FMO2: variants seen among roughly 807,000 people sequenced by gnomAD.
FMO2 encodes flavin containing dimethylaniline monoxygenase 2.
A neutral mutation model predicts 41.6 loss-of-function variants in FMO2; 33 were observed. The ratio of observed to expected loss-of-function variants is 0.79; its 90% confidence interval spans 0.60 to 1.06. FMO2 has a LOEUF of 1.06. Ranked by LOEUF, FMO2 falls within the 50% of genes least tolerant of loss-of-function variation. The pLI, the probability that FMO2 is intolerant of heterozygous loss-of-function variation, is 0.00. For synonymous variants in FMO2, 214 were observed against 219.6 expected (o/e 0.97, Z 0.23); for missense variants, 619 against 632.9 (o/e 0.98, Z 0.23).
At chr1:171,205,734 A>G (rs1383410710) in intron 7 of FMO2, 100 bp downstream of exon 7, 4 of 743,732 alleles carry the variant, frequency 5.4e-6, no homozygotes, top group Non-Finnish European at 8.4e-6. Flanking sequence ...TGCCAAGAAA[A>G]AGTTTGACAA....
Position 171,212,165 on chromosome 1 carries a change from G to A in FMO2, c.*3020G>A, listed in dbSNP as rs1305312580. Among the ~76,000 whole-genome samples, 1 of 152,134 alleles carries A rather than the reference G, an allele frequency of 6.6e-6. No individual in the cohort carries two copies. The highest frequency in any genetic ancestry group is 2.4e-5 in the African/African-American group (1 of 41,426). On this transcript the variant is annotated 3_prime_UTR_variant, in exon 9 of 9. Transcript: ENST00000209929. The stretch of plus-strand genomic sequence containing the variant: ...ACTTGCAATAGTATTGGGAGATGGG[G>A]CCTAATGAGGTGATTAGGTGAAGTC...
chr1:171,193,664 A>T, intron 3 of FMO2, 141 bp downstream of exon 3: 1 of 617,678 alleles, frequency 1.6e-6, no homozygotes, highest in East Asian at 2.8e-5. Context: ...CCTCATATAA[A>T]ACCCAAAAAG....
chr1:171,187,603 G>A (rs1024102480), intron 2 of FMO2, among the ~76,000 whole-genome samples: 2 of 117,172 alleles, frequency 1.7e-5, no homozygotes, highest in Admixed American at 1.1e-4. Flanking sequence ...TAAAGATACT[G>A]ATTCCTTTGG....
intron 2 of FMO2, among the ~76,000 whole-genome samples, chr1:171,189,654 C>CTTTTTTT (rs199536748): frequency 0.088 from 10,569 of 119,768 alleles, 830 homozygotes; most frequent in East Asian, 0.24. Flanking sequence ...CGTCTTTTTT[C>CTTTTTTT]TTTTCTTTTT....
rs569620327 is a variant in FMO2 at position 171,195,951 on chromosome 1, G to A, written c.322-698G>A. On this transcript the variant is annotated intron_variant, in intron 3 of 8. Coordinates refer to ENST00000209929, the MANE Select transcript of FMO2 (RefSeq NM_001460.5). ...TCAGGCACTCTGCAAAGTGTTTTGC[G>A]TGAAATATCTTCTCTAATACAAAGT... is the stretch of plus-strand genomic sequence containing the variant. 7.2e-5 allele frequency among the ~76,000 whole-genome samples: 11 copies of A among 152,322 alleles called. No homozygotes were observed. In the South Asian group the frequency reaches 1.7e-3, roughly 23 times the overall value.
At chr1:171,205,152 TAAGTTA>T in intron 6 of FMO2, 121 bp from the exon 7 acceptor site, 1 of 576,262 alleles carries the variant, frequency 1.7e-6, no homozygotes, top group Non-Finnish European at 3.0e-6. Flanking sequence ...GACAACCAGT[TAAGTTA>T]GAGTTTTACA....
Position 171,212,347 on chromosome 1 carries a change from C to T in FMO2, c.*3202C>T, listed in dbSNP as rs1350904862. Among the ~76,000 whole-genome samples the T allele has an allele frequency of 6.6e-6, 1 of 152,094 alleles. No individual in the cohort carries two copies. The highest frequency in any genetic ancestry group is 1.5e-5 in the Non-Finnish European group (1 of 68,012). On this transcript the variant is annotated 3_prime_UTR_variant, in exon 9 of 9. Transcript: ENST00000209929. Reference sequence around the variant, plus strand: ...AGAAGGCCCTCATCAGATGCTGGCCCCTTGGTCTTGAATTTCCTAGCCTCT... The same window carrying T: ...AGAAGGCCCTCATCAGATGCTGGCCTCTTGGTCTTGAATTTCCTAGCCTCT...
At position 171,199,428 on chromosome 1, in the gene FMO2, G is replaced by T; in HGVS notation, c.567G>T (p.Val189=). 1 of 1,612,816 alleles carries T rather than the reference G, an allele frequency of 6.2e-7. No individual in the cohort carries two copies. Among genetic ancestry groups the T allele is most frequent in the South Asian group, 1.1e-5 (1 of 90,778 alleles). The stretch of plus-strand genomic sequence containing the variant: ...GATTTGAGGGAAAACGCATCCTGGT[G>T]ATTGGAATGGGAAACTCAGGCTCAG... ...PDGFEGKRIL[V]IGMGNSGSDI... is the part of the protein sequence containing the mutation. Residue 189 remains valine (V), a synonymous_variant, in exon 5 of 9, where the codon GTG becomes GTT. Transcript: ENST00000209929.
At chr1:171,207,101 T>A (rs1346195962) in intron 7 of FMO2, among the ~76,000 whole-genome samples, 1 of 152,132 alleles carries the variant, frequency 6.6e-6, no homozygotes, top group Non-Finnish European at 1.5e-5. Flanking sequence ...GAACATGAGA[T>A]GTCTGATGAC....
chr1:171,197,418 C>T (rs187639328), intron 4 of FMO2, among the ~76,000 whole-genome samples: 22 of 152,254 alleles, frequency 1.4e-4, no homozygotes, highest in Non-Finnish European at 2.1e-4. Context: ...GATTCAAACA[C>T]TATGGAGTAG....
At position 171,199,266 on chromosome 1, in the gene FMO2, G is replaced by C. The variant is rs548063710; in HGVS notation, c.485-80G>C. 2.1e-5 allele frequency: 28 copies of C among 1,323,762 alleles called. No homozygotes were observed. The African/African-American group carries it at 2.7e-4, about 13-fold the overall frequency. 82.0% of individuals were successfully genotyped at this position (1,323,762 alleles called of 1,614,324 possible). A position where few individuals can be genotyped will look rare whatever the true frequency, so the allele number is the denominator to read the frequency against. ...AAATTATTAACTCCAGAAAGGAAAA[G>C]CTGGCAATGCAGTTTTATTGAAATT... On this transcript the variant is annotated intron_variant, in intron 4 of 8. Transcript: ENST00000209929.
intron 7 of FMO2, among the ~76,000 whole-genome samples, chr1:171,206,723 A>G (rs766312253): frequency 2.6e-5 from 4 of 152,184 alleles, no homozygotes; most frequent in Non-Finnish European, 4.4e-5. Flanking sequence ...TACACTTCAG[A>G]TAGATTGTTT....
At chr1:171,185,479 T>A in intron 1 of FMO2, 120 bp downstream of exon 1, 1 of 405,680 alleles carries the variant, frequency 2.5e-6, no homozygotes, top group South Asian at 4.3e-5. Flanking sequence ...GGGTCGCTTT[T>A]AAATATTAAA....
chr1:171,192,928 C>T (rs917454280), intron 2 of FMO2, among the ~76,000 whole-genome samples: 4 of 152,116 alleles, frequency 2.6e-5, no homozygotes, highest in African/African-American at 9.7e-5. Context: ...ATGTTCTCTG[C>T]CCAGTGTCCC....
chr1:171,208,735 A>G, intron 8 of FMO2, 59 bp from the exon 9 acceptor site: 1 of 1,524,384 alleles, frequency 6.6e-7, no homozygotes, highest in East Asian at 2.3e-5. Context: ...TTGAATGCCT[A>G]ATATTCTAGA....
intron 2 of FMO2, among the ~76,000 whole-genome samples, chr1:171,188,030 ATTTTTTTTTTTTT>A (rs67830022): frequency 0.025 from 2,462 of 97,744 alleles, 54 homozygotes; most frequent in Middle Eastern, 0.076. Context: ...TTCAGCTGGA[ATTTTTTTTTTTTT>A]TTTTTTTTTT....
chr1:171,199,321 G>A, intron 4 of FMO2, 25 bp from the exon 5 acceptor site: 2 of 1,543,860 alleles, frequency 1.3e-6, no homozygotes, highest in Non-Finnish European at 1.7e-6. Context: ...GGAGCTCACA[G>A]ACTTCTCTCT....
intron 2 of FMO2, among the ~76,000 whole-genome samples, chr1:171,191,002 G>A (rs983886891): frequency 6.6e-6 from 1 of 152,030 alleles, no homozygotes; most frequent in African/African-American, 2.4e-5. Context: ...AAAATTAGCT[G>A]GGCATGGTGG....
chr1:171,199,642 C>T (rs1658456044), intron 5 of FMO2, 154 bp downstream of exon 5: 3 of 588,550 alleles, frequency 5.1e-6, no homozygotes, highest in Non-Finnish European at 8.5e-6. Flanking sequence ...GTCAAGAAAC[C>T]ACTTTACCTC....
Sources: allele counts gnomAD v4.1 joint callset (sites outside exome capture counted in the v4.1 genomes callset), GRCh38; gene constraint gnomAD v4.1.1; transcripts MANE v1.5; gene names NCBI Gene and HGNC (gene_info 2026-07-23, HGNC 2026-07-21).